ITIH2: variants seen among roughly 807,000 people sequenced by gnomAD.
ITIH2 encodes inter-alpha-trypsin inhibitor heavy chain H2.
Under a neutral mutation model 104.4 loss-of-function variants are expected in ITIH2, and 103 were observed. That is an observed-to-expected ratio of 0.99 (90% CI 0.84 to 1.16). The LOEUF (loss-of-function observed/expected upper bound fraction) is 1.16. Among genes scored for constraint, ITIH2 ranks in the 50% most tolerant of loss-of-function variants. ITIH2 has a pLI of 0.00. For missense variants in ITIH2, 1,108 were observed against 1,162.4 expected (o/e 0.95, Z 0.68); for synonymous variants, 436 against 435.4 (o/e 1.00, Z -0.02).
intron 4 of ITIH2, among the ~76,000 whole-genome samples, chr10:7,711,153 T>C (rs1315592287): frequency 6.6e-6 from 1 of 152,180 alleles, no homozygotes; most frequent in African/African-American, 2.4e-5. Context: ...TGTGTTCTCA[T>C]TGTTCAACTC....
chr10:7,730,159 T>C, intron 12 of ITIH2, 26 bp downstream of exon 12: 1 of 1,529,430 alleles, frequency 6.5e-7, no homozygotes. Flanking sequence ...GTTCTTTTTT[T>C]ATTCTTCACT....
rs1373325190 is a variant in ITIH2 at position 7,731,768 on chromosome 10, G to A, written c.1462-43G>A. ...AAATAAAATGCTTTAGATCTACAAA[G>A]CAGTAGGAACATAATTTCTCTCTCT... On this transcript the variant is annotated intron_variant, in intron 12 of 20. Coordinates refer to ENST00000358415, the MANE Select transcript of ITIH2 (RefSeq NM_002216.3). 3.7e-6 allele frequency: 5 copies of A among 1,335,074 alleles called. No homozygotes were observed. In the Admixed American group the frequency reaches 8.6e-5, roughly 23 times the overall value. The allele number at this position is 1,335,074 out of a possible 1,614,324, so 82.7% of individuals were successfully genotyped here.
Position 7,726,954 on chromosome 10 carries a change from TG to T in ITIH2, c.991del (p.Glu331LysfsTer3). On this transcript the variant is annotated frameshift_variant, in exon 10 of 21. Transcript: ENST00000358415. LOFTEE classifies it high-confidence loss of function. ...CTTTATTCTCTATTGAAATAGACTG[TG>T]GAAGCAATGAAGACCATATTGGATG... ...SMWGVKMKQT[V>X]EAMKTILDDL... 5 of 1,608,682 alleles carry T rather than the reference TG, an allele frequency of 3.1e-6. No homozygotes were observed. The highest frequency in any genetic ancestry group is 4.2e-6 in the Non-Finnish European group (5 of 1,177,040).
intron 15 of ITIH2, 42 bp from the exon 16 acceptor site, chr10:7,738,579 A>G: frequency 6.2e-7 from 1 of 1,610,686 alleles, no homozygotes; most frequent in Non-Finnish European, 8.5e-7. Context: ...TTCCGTGGAA[A>G]CGTAAATCTA....
At chr10:7,719,913 T>C (rs1315344370) in intron 6 of ITIH2, among the ~76,000 whole-genome samples, 1 of 137,918 alleles carries the variant, frequency 7.3e-6, no homozygotes, top group Admixed American at 7.6e-5. Context: ...TGATAGACAT[T>C]GGAGACTCGA....
Position 7,743,261 on chromosome 10 carries a change from T to TAAAATA in ITIH2, c.2209+11_2209+16dup. 2 of 1,469,588 alleles carry TAAAATA rather than the reference T, an allele frequency of 1.4e-6. No individual in the cohort carries two copies. Among genetic ancestry groups the TAAAATA allele is most frequent in the Non-Finnish European group, 1.9e-6 (2 of 1,062,746 alleles). 91.0% of individuals were successfully genotyped at this position (1,469,588 alleles called of 1,614,324 possible). ...ACCTGGTTTCTGACCCAGAATCAGG[T>TAAAATA]AAAATAAAAATAAATTATATTTGCA... is the stretch of plus-strand genomic sequence containing the variant. On this transcript the variant is annotated splice_region_variant and intron_variant, in intron 17 of 20. Coordinates refer to ENST00000358415, the MANE Select transcript of ITIH2 (RefSeq NM_002216.3).
In ITIH2 at chr10:7,710,958, C is replaced by T. The variant is rs144051899; in HGVS notation, c.362+1767C>T. Among the ~76,000 whole-genome samples, 276 of 150,064 alleles carry T rather than the reference C, an allele frequency of 1.8e-3. 2 individuals are homozygous for T. Among genetic ancestry groups the T allele is most frequent in the Middle Eastern group, 0.01 (3 of 294 alleles). The stretch of plus-strand genomic sequence containing the variant: ...CTTTTTTACTTTAAGTTCTGGGATA[C>T]GTGTGCAGAATGTATAGGTTTGTTA... On this transcript the variant is annotated intron_variant, in intron 4 of 20. Transcript: ENST00000358415.
At chr10:7,712,296 C>G (rs985039759) in intron 4 of ITIH2, among the ~76,000 whole-genome samples, 1 of 152,146 alleles carries the variant, frequency 6.6e-6, no homozygotes, top group African/African-American at 2.4e-5. Context: ...TGAGAGAGCT[C>G]TTCGAAGTCT....
intron 17 of ITIH2, among the ~76,000 whole-genome samples, chr10:7,743,727 G>A (rs1411784647): frequency 6.6e-6 from 1 of 152,106 alleles, no homozygotes; most frequent in Non-Finnish European, 1.5e-5. Flanking sequence ...GTTGCAGTGA[G>A]CCAAGATCAC....
intron 20 of ITIH2, 151 bp from the exon 21 acceptor site, chr10:7,749,036 G>C: frequency 1.4e-6 from 1 of 729,756 alleles, no homozygotes; most frequent in Non-Finnish European, 2.3e-6. Flanking sequence ...CAGACTTGGT[G>C]TTTCTTTTTC....
At chr10:7,721,840 A>G (rs1834907184) in intron 8 of ITIH2, 63 bp downstream of exon 8, 7 of 1,588,154 alleles carry the variant, frequency 4.4e-6, no homozygotes, top group South Asian at 3.4e-5. Context: ...TCCTTTTTGA[A>G]CAAACTCCCA....
intron 15 of ITIH2, among the ~76,000 whole-genome samples, chr10:7,737,019 A>G (rs1199363568): frequency 1.3e-5 from 2 of 152,098 alleles, no homozygotes; most frequent in Admixed American, 1.3e-4. Flanking sequence ...AAAGCAAAGA[A>G]TTGGAAGCCC....
At chr10:7,732,256 T>G in intron 13 of ITIH2, 82 bp from the exon 14 acceptor site, 1 of 1,435,500 alleles carries the variant, frequency 7.0e-7, no homozygotes, top group Non-Finnish European at 9.7e-7. Flanking sequence ...TCCCATTCAT[T>G]CGCAGCAGGT....
chr10:7,706,366 T>A (rs1834747318), intron 2 of ITIH2, among the ~76,000 whole-genome samples: 1 of 152,144 alleles, frequency 6.6e-6, no homozygotes, highest in South Asian at 2.1e-4. Flanking sequence ...ACATTACATG[T>A]TCACCCACCA....
At chr10:7,733,329 C>T (rs1835022012) in intron 14 of ITIH2, among the ~76,000 whole-genome samples, 1 of 152,070 alleles carries the variant, frequency 6.6e-6, no homozygotes, top group South Asian at 2.1e-4. Flanking sequence ...ATCTCCTGAC[C>T]TCATGACCCG....
At chr10:7,715,181 A>T (rs1588451719) in intron 5 of ITIH2, among the ~76,000 whole-genome samples, 1 of 152,054 alleles carries the variant, frequency 6.6e-6, no homozygotes, top group South Asian at 2.1e-4. Context: ...CCAGCACTTT[A>T]GGAGGTCGAG....
chr10:7,729,903 T>G (rs1340615516), intron 11 of ITIH2, 49 bp from the exon 12 acceptor site: 1 of 1,407,558 alleles, frequency 7.1e-7, no homozygotes, highest in Non-Finnish European at 9.7e-7. Flanking sequence ...CCAGAAAATT[T>G]ATGATATTGC....
At chr10:7,709,219 A>G in intron 4 of ITIH2, 28 bp downstream of exon 4, 1 of 1,598,992 alleles carries the variant, frequency 6.3e-7, no homozygotes. Flanking sequence ...AGAGCCAGAA[A>G]TTGTAGGTGC....
chr10:7,713,612 C>T (rs533412769), intron 5 of ITIH2, among the ~76,000 whole-genome samples: 80 of 152,196 alleles, frequency 5.3e-4, no homozygotes, highest in African/African-American at 1.5e-3. Context: ...GATCTTGTTA[C>T]GAAACTTAAC....
Sources: allele counts gnomAD v4.1 joint callset (sites outside exome capture counted in the v4.1 genomes callset), GRCh38; gene constraint gnomAD v4.1.1; transcripts MANE v1.5; gene names NCBI Gene and HGNC (gene_info 2026-07-23, HGNC 2026-07-21).